Variants in SLC4A5 observed in about 807,000 individuals in gnomAD.
SLC4A5 encodes the protein electrogenic sodium bicarbonate cotransporter 4.
In SLC4A5, 96 loss-of-function variants were observed where a neutral mutation model predicts 120.4. The ratio of observed to expected loss-of-function variants is 0.80; its 90% CI spans 0.68 to 0.94. SLC4A5 has a LOEUF of 0.94. Among genes scored for constraint, SLC4A5 ranks in the 40% least tolerant of loss-of-function variants. The pLI is 0.00. For missense variants in SLC4A5, 1,259 were observed against 1,459.5 expected (o/e 0.86, Z 2.24); for synonymous variants, 550 against 571.1 (o/e 0.96, Z 0.53).
chr2:74,307,897 C>T (rs1346731662), intron 6 of SLC4A5: 2 of 477,528 alleles, frequency 4.2e-6, no homozygotes, highest in African/African-American at 4.0e-5. Context: ...CCCCCGGCAC[C>T]TGCATAGACA....
At position 74,248,499 on chromosome 2, in the gene SLC4A5, G is replaced by A. The variant is rs768826852; in HGVS notation, c.1654-13C>T. 5.6e-6 allele frequency: 9 copies of A among 1,613,728 alleles called. No homozygotes were observed. In the South Asian group the frequency reaches 9.9e-5, roughly 18 times the overall value. ...TCTCCATCACTCCCTGGGGGCACAA[G>A]GAATGTGTGGTTCAGCATAGGAAGG... On this transcript the variant is annotated splice_polypyrimidine_tract_variant and intron_variant, in intron 17 of 30. Transcript: ENST00000394019.
At chr2:74,274,397 G>C (rs1276204173) in intron 8 of SLC4A5, among the ~76,000 whole-genome samples, 1 of 149,430 alleles carries the variant, frequency 6.7e-6, no homozygotes, top group Non-Finnish European at 1.5e-5. Flanking sequence ...ATGAAAATAT[G>C]TATGTGAGAT....
intron 7 of SLC4A5, among the ~76,000 whole-genome samples, chr2:74,302,573 C>A (rs775220510): frequency 6.6e-6 from 1 of 152,198 alleles, no homozygotes; most frequent in Non-Finnish European, 1.5e-5. Flanking sequence ...GCCGAGATCG[C>A]GCCACTTAAC....
chr2:74,239,833 G>A (rs916498011), intron 20 of SLC4A5, among the ~76,000 whole-genome samples: 6 of 147,026 alleles, frequency 4.1e-5, no homozygotes, highest in African/African-American at 1.3e-4. Flanking sequence ...TCCTGTGGAC[G>A]CCTCCTTCCT....
chr2:74,233,794 C>G (rs1268000162), intron 22 of SLC4A5, among the ~76,000 whole-genome samples: 1 of 152,196 alleles, frequency 6.6e-6, no homozygotes. Flanking sequence ...TTTGCTGCAA[C>G]AGCCCTGGGG....
At chr2:74,310,877 TC>T (rs1232733034) in intron 6 of SLC4A5, among the ~76,000 whole-genome samples, 1 of 152,002 alleles carries the variant, frequency 6.6e-6, no homozygotes, top group Non-Finnish European at 1.5e-5. Context: ...ACAACTGATA[TC>T]CTTTCTTCCT....
chr2:74,289,028 C>G (rs1672075937), intron 7 of SLC4A5, among the ~76,000 whole-genome samples: 1 of 152,212 alleles, frequency 6.6e-6, no homozygotes, highest in African/African-American at 2.4e-5. Flanking sequence ...TTGCCACCAT[C>G]TTGGTTCTGG....
chr2:74,248,325 G>A, intron 18 of SLC4A5, 28 bp downstream of exon 18: 1 of 1,611,818 alleles, frequency 6.2e-7, no homozygotes, highest in South Asian at 1.1e-5. Flanking sequence ...GCGAGAGCAG[G>A]CACTGGGGGC....
intron 5 of SLC4A5, 73 bp downstream of exon 5, chr2:74,328,047 T>C (rs1673260125): frequency 1.3e-6 from 1 of 778,424 alleles, no homozygotes; most frequent in African/African-American, 1.9e-5. Flanking sequence ...TCTGTGTTCA[T>C]GCTATGAAAC....
intron 4 of SLC4A5, among the ~76,000 whole-genome samples, chr2:74,328,986 C>T (rs532699277): frequency 1.3e-5 from 2 of 152,032 alleles, no homozygotes; most frequent in African/African-American, 2.4e-5. Flanking sequence ...TTTTTTTAAC[C>T]TCAAAGACCT....
intron 8 of SLC4A5, among the ~76,000 whole-genome samples, chr2:74,281,977 A>G (rs952940235): frequency 5.9e-5 from 9 of 152,136 alleles, no homozygotes; most frequent in Non-Finnish European, 8.8e-5. Flanking sequence ...CCCAGAACCC[A>G]TTATGATTTA....
chr2:74,260,969 C>T (rs1054536773), intron 11 of SLC4A5, among the ~76,000 whole-genome samples: 2 of 152,108 alleles, frequency 1.3e-5, no homozygotes, highest in Admixed American at 6.6e-5. Context: ...CTCTTCCATC[C>T]CCCAACCTCC....
intron 6 of SLC4A5, chr2:74,306,664 T>TC: frequency 1.5e-6 from 1 of 656,408 alleles, no homozygotes; most frequent in South Asian, 1.9e-5. Flanking sequence ...TTTTTTTTTT[T>TC]TTAACCTCTG....
intron 26 of SLC4A5, chr2:74,227,445 A>T: frequency 6.4e-7 from 1 of 1,559,204 alleles, no homozygotes; most frequent in South Asian, 1.2e-5. Flanking sequence ...CAGTAAATAC[A>T]GAACAAAACA....
Position 74,335,395 on chromosome 2 carries a change from A to G in SLC4A5, c.-220-1218T>C, listed in dbSNP as rs139063882. Among the ~76,000 whole-genome samples the G allele has an allele frequency of 3.9e-4, 59 of 152,236 alleles. 1 individual carries two copies. The highest frequency in any genetic ancestry group is 1.3e-3 in the African/African-American group (55 of 41,542). On this transcript the variant is annotated intron_variant, in intron 3 of 30. Coordinates refer to ENST00000394019, the Ensembl canonical transcript of SLC4A5. ...AACTCGTTCTTCAGACAGATCCCCA[A>G]ATGGACCCAGAAACAGCATGCAGCC...
At chr2:74,329,775 T>C (rs928893586) in intron 4 of SLC4A5, among the ~76,000 whole-genome samples, 1 of 151,330 alleles carries the variant, frequency 6.6e-6, no homozygotes, top group African/African-American at 2.4e-5. Context: ...AAGGTGGAGA[T>C]GGTGAGGTGT....
At chr2:74,228,706 G>A (rs187103700) in intron 25 of SLC4A5, among the ~76,000 whole-genome samples, 150 of 131,868 alleles carry the variant, frequency 1.1e-3, no homozygotes, top group African/African-American at 3.9e-3. Flanking sequence ...TGCCTCATAC[G>A]CAATCACATA....
intron 19 of SLC4A5, among the ~76,000 whole-genome samples, chr2:74,246,684 C>T (rs1489433206): frequency 6.6e-6 from 1 of 152,102 alleles, no homozygotes; most frequent in Non-Finnish European, 1.5e-5. Flanking sequence ...TGGAGCTGGG[C>T]GGGACTTCAG....
At chr2:74,221,895 A>G (rs916997939) in intron 29 of SLC4A5, among the ~76,000 whole-genome samples, 5 of 152,150 alleles carry the variant, frequency 3.3e-5, no homozygotes, top group Non-Finnish European at 7.4e-5. Flanking sequence ...GGGATCTTTC[A>G]GAAGACCTCG....
Sources: allele counts gnomAD v4.1 joint callset (sites outside exome capture counted in the v4.1 genomes callset), GRCh38; gene constraint gnomAD v4.1.1; transcripts MANE v1.5; gene names NCBI Gene and HGNC (gene_info 2026-07-23, HGNC 2026-07-21).